Variants in VIRMA observed in about 807,000 individuals in gnomAD.
The protein encoded by VIRMA is vir like m6A methyltransferase associated.
In VIRMA, 65 loss-of-function variants were observed where a neutral mutation model predicts 182.4. That is an observed-to-expected ratio of 0.36 (90% CI 0.29 to 0.44). VIRMA has a LOEUF of 0.44. Among genes scored for constraint, VIRMA ranks in the 20% least tolerant of loss-of-function variants. The pLI is 1.00. For missense variants in VIRMA, 1,752 were observed against 2,158.1 expected, an observed-to-expected ratio of 0.81 and a Z score of 3.73; for synonymous variants, 709 against 743.1, an observed-to-expected ratio of 0.95 and a Z score of 0.75.
At position 94,516,265 on chromosome 8, in the gene VIRMA, G is replaced by C. The variant is rs139352932; in HGVS notation, c.2669-1314C>G. ...AATGAAACCCAAGGGGAGATATTTTGCTGAGTGCCTTTTCCTCTAACATGA... is the reference window on the plus strand; with the variant it reads ...AATGAAACCCAAGGGGAGATATTTTCCTGAGTGCCTTTTCCTCTAACATGA... On this transcript the variant is annotated intron_variant, in intron 10 of 23. Transcript: ENST00000297591. 9.8e-3 allele frequency among the ~76,000 whole-genome samples: 1,497 copies of C among 152,168 alleles called. 23 individuals carry two copies. Among genetic ancestry groups the C allele is most frequent in the African/African-American group, 0.033 (1,382 of 41,480 alleles).
At chr8:94,552,953 C>G (rs1816055631) in intron 1 of VIRMA, among the ~76,000 whole-genome samples, 3 of 151,888 alleles carry the variant, frequency 2.0e-5, no homozygotes, top group African/African-American at 4.8e-5. Flanking sequence ...AGAAAAGAGG[C>G]CAAAGAGAAA....
intron 2 of VIRMA, among the ~76,000 whole-genome samples, chr8:94,540,949 T>TA (rs1815527795): frequency 1.3e-5 from 2 of 152,074 alleles, no homozygotes; most frequent in Admixed American, 1.3e-4. Flanking sequence ...TCGGTGACTC[T>TA]AAAAAACCTA....
rs1025191257 is a variant in VIRMA at position 94,510,588 on chromosome 8, T to A, written c.3455A>T (p.His1152Leu). 1.2e-6 allele frequency: 2 copies of A among 1,614,028 alleles called. No individual in the cohort carries two copies. The highest frequency in any genetic ancestry group is 2.7e-5 in the African/African-American group (2 of 74,928). The change falls in exon 14 of 24, where the codon CAT becomes CTT. Residue 1152 changes from histidine to leucine, a missense_variant. Around this residue, in one of 11 missense-constraint regions of VIRMA, gnomAD observed 777 missense variants for 920.6 expected, o/e 0.84. Transcript: ENST00000297591. ...NTRKLWSMHL[H>L]VQAKLLQEIV... ...TTCTTGGAGCAACTTTGCTTGAACA[T>A]GAAGGTGCATGCTCCACAATTTTCG...
intron 8 of VIRMA, among the ~76,000 whole-genome samples, chr8:94,525,238 C>G (rs763918107): frequency 6.6e-6 from 1 of 152,190 alleles, no homozygotes; most frequent in African/African-American, 2.4e-5. Context: ...AATGCCCAGC[C>G]TGAATGTTTT....
chr8:94,489,562 C>T (rs574398444), intron 23 of VIRMA, among the ~76,000 whole-genome samples: 7 of 152,308 alleles, frequency 4.6e-5, no homozygotes, highest in African/African-American at 1.7e-4. Context: ...TCCTCTTCCT[C>T]AGCCTATGGA....
intron 10 of VIRMA, 145 bp from the exon 11 acceptor site, chr8:94,515,096 TTC>T: frequency 2.3e-6 from 1 of 430,988 alleles, no homozygotes; most frequent in Non-Finnish European, 4.0e-6. Flanking sequence ...ATGCATCTAA[TTC>T]TTTTTTTTTT....
intron 19 of VIRMA, 31 bp downstream of exon 19, chr8:94,495,700 C>A: frequency 6.3e-7 from 1 of 1,593,380 alleles, no homozygotes; most frequent in South Asian, 1.1e-5. Flanking sequence ...AAACCAACAG[C>A]TATTCAATCA....
At chr8:94,513,231 G>A (rs1323406543) in intron 11 of VIRMA, among the ~76,000 whole-genome samples, 1 of 152,058 alleles carries the variant, frequency 6.6e-6, no homozygotes, top group African/African-American at 2.4e-5. Context: ...CCAGCTACTT[G>A]GGAGGCTGAG....
chr8:94,525,327 A>T (rs532605420), intron 8 of VIRMA, among the ~76,000 whole-genome samples: 1 of 152,236 alleles, frequency 6.6e-6, no homozygotes, highest in African/African-American at 2.4e-5. Context: ...GTCCACAGCA[A>T]TAAGTATAAT....
chr8:94,546,758 T>G (rs1163549869), intron 1 of VIRMA: 1 of 372,986 alleles, frequency 2.7e-6, no homozygotes, highest in Non-Finnish European at 5.2e-6. Context: ...TGTATCATTC[T>G]TACGCCTTTG....
rs555035098 is a variant in VIRMA at position 94,523,154 on chromosome 8, C to T, written c.2021+3069G>A. Among the ~76,000 whole-genome samples the T allele has an allele frequency of 2.0e-5, 3 of 152,284 alleles. No individual in the cohort carries two copies. In the East Asian group the frequency reaches 5.8e-4, roughly 29 times the overall value. On this transcript the variant is annotated intron_variant, in intron 8 of 23. Transcript: ENST00000297591. ...TATATTTGCATACTTACAAGATTCC[C>T]TTTCTCCTGCCCAAAACCAAACTCC...
At chr8:94,541,832 G>A (rs895759266) in intron 2 of VIRMA, among the ~76,000 whole-genome samples, 6 of 151,720 alleles carry the variant, frequency 4.0e-5, no homozygotes, top group Admixed American at 2.6e-4. Context: ...ATAAGCCACC[G>A]TGCCTGGCCC....
intron 5 of VIRMA, chr8:94,534,526 T>C (rs1749992800): frequency 1.4e-5 from 6 of 417,888 alleles, no homozygotes; most frequent in Non-Finnish European, 2.1e-5. Context: ...GTTCAAAAGG[T>C]GAACGAGGTG....
At chr8:94,514,120 C>A (rs1456662460) in intron 11 of VIRMA, among the ~76,000 whole-genome samples, 1 of 151,958 alleles carries the variant, frequency 6.6e-6, no homozygotes, top group Admixed American at 6.5e-5. Context: ...CACGTGCATG[C>A]ATGCGTGTGC....
intron 1 of VIRMA, among the ~76,000 whole-genome samples, chr8:94,545,980 C>CTCTTGCAATTTCACTG (rs1563483388): frequency 1.3e-5 from 2 of 151,404 alleles, no homozygotes; most frequent in African/African-American, 4.9e-5. Flanking sequence ...TCACTTATGC[C>CTCTTGCAATTTCACTG]CAGGAGGTCA....
intron 5 of VIRMA, 85 bp downstream of exon 5, chr8:94,534,754 G>T: frequency 1.4e-6 from 2 of 1,476,648 alleles, no homozygotes; most frequent in Admixed American, 2.0e-5. Context: ...AAAAACAAAA[G>T]GTAAAAGAGT....
chr8:94,510,722 A>G lies in VIRMA; in HGVS notation c.3391-70T>C, dbSNP rs145559257. The G allele has an allele frequency of 2.7e-3, 3,071 of 1,147,866 alleles. 56 individuals are homozygous for G. The African/African-American group carries it at 0.038, about 14-fold the overall frequency. The allele number at this position is 1,147,866 out of a possible 1,614,324, so 71.1% of individuals were successfully genotyped here. ...TTATTTATAGTCACAAAAACTGTTCAGGAAGAAATGTTATGAAAAGAACAT... is the reference window on the plus strand; with the variant it reads ...TTATTTATAGTCACAAAAACTGTTCGGGAAGAAATGTTATGAAAAGAACAT... On this transcript the variant is annotated intron_variant, in intron 13 of 23. Coordinates refer to ENST00000297591, the MANE Select transcript of VIRMA (RefSeq NM_015496.5).
chr8:94,510,784 T>C (rs1354279291), intron 13 of VIRMA, 132 bp from the exon 14 acceptor site: 4 of 782,358 alleles, frequency 5.1e-6, no homozygotes, highest in Admixed American at 2.8e-5. Flanking sequence ...TTTTCTATTA[T>C]ACAGTTAAAC....
chr8:94,503,801 T>A (rs1586071452), intron 16 of VIRMA, among the ~76,000 whole-genome samples: 2 of 151,830 alleles, frequency 1.3e-5, no homozygotes, highest in Middle Eastern at 3.4e-3. Flanking sequence ...AAAAACTTTT[T>A]AAAAAAGTGT....
Sources: allele counts gnomAD v4.1 joint callset (sites outside exome capture counted in the v4.1 genomes callset), GRCh38; gene constraint gnomAD v4.1.1; regional missense constraint gnomAD v4.1.1; transcripts MANE v1.5; gene names NCBI Gene and HGNC (gene_info 2026-07-23, HGNC 2026-07-21).